NTRK3: variants seen among roughly 807,000 people sequenced by gnomAD.
NTRK3 encodes the protein NT-3 growth factor receptor.
Under a neutral mutation model 91.7 loss-of-function variants are expected in NTRK3, and 24 were observed. That is an observed-to-expected ratio of 0.26 (90% CI 0.19 to 0.37). The LOEUF (loss-of-function observed/expected upper bound fraction) is 0.37, where lower values mean the gene tolerates loss of function less well. Ranked by LOEUF, NTRK3 falls within the 10% of genes least tolerant of loss-of-function variation. NTRK3 has a pLI of 1.00. For synonymous variants in NTRK3, 483 were observed against 404.0 expected (o/e 1.20, Z -2.34); for missense variants, 880 against 1,068.9 (o/e 0.82, Z 2.46).
chr15:88,112,265 AG>A (rs1249516085), intron 13 of NTRK3, among the ~76,000 whole-genome samples: 1 of 152,208 alleles, frequency 6.6e-6, no homozygotes, highest in Non-Finnish European at 1.5e-5. Context: ...CAAGCCTTCA[AG>A]ATTTTATGTA....
chr15:87,982,091 G>A (rs976384898), intron 14 of NTRK3, among the ~76,000 whole-genome samples: 2 of 152,190 alleles, frequency 1.3e-5, no homozygotes, highest in Admixed American at 6.5e-5. Context: ...GGCCAAGCCC[G>A]CCTAAGTCTC....
intron 3 of NTRK3, among the ~76,000 whole-genome samples, chr15:88,223,894 CA>C (rs1208236025): frequency 3.9e-5 from 6 of 152,158 alleles, no homozygotes; most frequent in African/African-American, 1.4e-4. Context: ...AAGGGACAAC[CA>C]GGCATGGGAG....
chr15:87,986,383 C>T (rs1157942678), intron 14 of NTRK3, among the ~76,000 whole-genome samples: 1 of 152,220 alleles, frequency 6.6e-6, no homozygotes, highest in Non-Finnish European at 1.5e-5. Flanking sequence ...TAATCCATTA[C>T]TGCAATGGCT....
At position 87,900,399 on chromosome 15, in the gene NTRK3, G is replaced by A. The variant is rs892967027; in HGVS notation, c.2134-19971C>T. Among the ~76,000 whole-genome samples, 3 of 152,152 alleles carry A rather than the reference G, an allele frequency of 2.0e-5. No homozygotes were observed. In the South Asian group the frequency reaches 6.2e-4, roughly 32 times the overall value. On this transcript the variant is annotated intron_variant, in intron 17 of 18. Transcript: ENST00000394480. ...AAGGTCTGGCACCAAGATAAACCAGGAACCTTAGTGAAAAGAGCACTGGAT... is the reference window on the plus strand; with the variant it reads ...AAGGTCTGGCACCAAGATAAACCAGAAACCTTAGTGAAAAGAGCACTGGAT...
chr15:88,008,421 G>A (rs74587967), intron 14 of NTRK3, among the ~76,000 whole-genome samples: 3,940 of 152,044 alleles, frequency 0.026, 70 homozygotes, highest in South Asian at 0.055. Context: ...TGTGAGCCCC[G>A]AGAGAAGCTG....
chr15:88,007,829 G>T (rs970011821), intron 14 of NTRK3, among the ~76,000 whole-genome samples: 2 of 152,154 alleles, frequency 1.3e-5, no homozygotes, highest in Non-Finnish European at 2.9e-5. Flanking sequence ...CTATGCCTCA[G>T]TAATCTCGTC....
chr15:87,945,617 T>C (rs1478650371), intron 14 of NTRK3, among the ~76,000 whole-genome samples: 2 of 150,456 alleles, frequency 1.3e-5, no homozygotes, highest in East Asian at 4.1e-4. Context: ...AGGGGAGGTA[T>C]ACACAGAGCC....
At chr15:88,039,982 A>G (rs1364061139) in intron 13 of NTRK3, among the ~76,000 whole-genome samples, 1 of 152,270 alleles carries the variant, frequency 6.6e-6, no homozygotes, top group African/African-American at 2.4e-5. Flanking sequence ...CAAATAAGGA[A>G]GATGAACAGG....
At chr15:88,021,771 C>G (rs370928898) in intron 14 of NTRK3, among the ~76,000 whole-genome samples, 1 of 152,002 alleles carries the variant, frequency 6.6e-6, no homozygotes, top group Non-Finnish European at 1.5e-5. Context: ...GAATGAGAAC[C>G]GACAAATTCT....
At chr15:88,112,783 C>CT (rs2051560929) in intron 13 of NTRK3, among the ~76,000 whole-genome samples, 1 of 152,182 alleles carries the variant, frequency 6.6e-6, no homozygotes, top group Non-Finnish European at 1.5e-5. Flanking sequence ...ATAGCAACAG[C>CT]ACTCTCCCCC....
chr15:87,935,436 C>T (rs1249397022), intron 15 of NTRK3, among the ~76,000 whole-genome samples: 1 of 152,168 alleles, frequency 6.6e-6, no homozygotes. Context: ...AGAACAAAGA[C>T]ATTTGAGAAG....
chr15:87,922,038 T>G (rs2141846685), intron 17 of NTRK3, among the ~76,000 whole-genome samples: 1 of 152,332 alleles, frequency 6.6e-6, no homozygotes, highest in East Asian at 1.9e-4. Flanking sequence ...TACCACTTAT[T>G]AAATGAGATT....
chr15:88,036,445 C>T (rs1399130517), intron 13 of NTRK3, among the ~76,000 whole-genome samples: 2 of 151,890 alleles, frequency 1.3e-5, no homozygotes, highest in African/African-American at 4.8e-5. Flanking sequence ...AATCAATCCA[C>T]TCTAAGAACA....
intron 3 of NTRK3, among the ~76,000 whole-genome samples, chr15:88,212,528 C>T (rs946033797): frequency 6.6e-6 from 1 of 152,078 alleles, no homozygotes; most frequent in Non-Finnish European, 1.5e-5. Flanking sequence ...GGTAAAGCTG[C>T]CATTTAGCTG....
At chr15:87,904,091 T>C (rs1014709842) in intron 17 of NTRK3, among the ~76,000 whole-genome samples, 8 of 152,050 alleles carry the variant, frequency 5.3e-5, no homozygotes, top group Admixed American at 5.2e-4. Context: ...TATCCCAGCA[T>C]GCTACTTTAA....
At chr15:88,068,383 A>G (rs1376543836) in intron 13 of NTRK3, among the ~76,000 whole-genome samples, 1 of 152,186 alleles carries the variant, frequency 6.6e-6, no homozygotes, top group African/African-American at 2.4e-5. Context: ...GTGAGCCAAG[A>G]TTGTGCCATT....
At chr15:88,138,715 C>T (rs2042106352) in intron 6 of NTRK3, among the ~76,000 whole-genome samples, 1 of 152,200 alleles carries the variant, frequency 6.6e-6, no homozygotes, top group Non-Finnish European at 1.5e-5. Context: ...CTAACACTGC[C>T]CAGTCCCTTG....
At chr15:87,995,331 G>C (rs2075610055) in intron 14 of NTRK3, among the ~76,000 whole-genome samples, 2 of 152,318 alleles carry the variant, frequency 1.3e-5, no homozygotes, top group South Asian at 4.1e-4. Context: ...GCAGTACAGG[G>C]AGAGTGCTAG....
At chr15:88,090,566 G>A (rs1252180473) in intron 13 of NTRK3, among the ~76,000 whole-genome samples, 1 of 152,108 alleles carries the variant, frequency 6.6e-6, no homozygotes, top group Non-Finnish European at 1.5e-5. Flanking sequence ...AATTCAGCCA[G>A]AGTCATTCCT....
Sources: allele counts gnomAD v4.1 joint callset (sites outside exome capture counted in the v4.1 genomes callset), GRCh38; gene constraint gnomAD v4.1.1; transcripts MANE v1.5; gene names NCBI Gene and HGNC (gene_info 2026-07-23, HGNC 2026-07-21).